Variants in DCX observed in about 807,000 individuals in gnomAD.
DCX encodes the protein neuronal migration protein doublecortin.
Under a neutral mutation model 20.9 loss-of-function variants are expected in DCX, and 4 were observed. The observed-to-expected ratio is 0.19, with a 90% CI of 0.09 to 0.44. The LOEUF (loss-of-function observed/expected upper bound fraction) is 0.44. DCX is among the 20% of genes least tolerant of loss of function. The probability of loss-of-function intolerance (pLI) is 0.99; values close to 1 mark genes in which losing one functional copy is unlikely to be tolerated. For missense variants in DCX, 133 were observed against 296.9 expected (o/e 0.45, Z 4.06); for synonymous variants, 103 against 111.4 (o/e 0.92, Z 0.47).
chrX:111,310,189 A>G (rs112679081), intron 6 of DCX, among the ~76,000 whole-genome samples: 186 of 111,272 alleles, frequency 1.7e-3, no homozygotes, highest in African/African-American at 5.7e-3. Flanking sequence ...AAAATTAGCC[A>G]GGCGTGGTGG....
At chrX:111,385,012 A>G (rs900691062) in intron 3 of DCX, among the ~76,000 whole-genome samples, 1 of 112,480 alleles carries the variant, frequency 8.9e-6, no homozygotes, top group Non-Finnish European at 1.9e-5. Context: ...CCTTGACCAA[A>G]GCTCTTTTCC....
At chrX:111,348,875 A>G (rs1303742043) in intron 3 of DCX, among the ~76,000 whole-genome samples, 6 of 107,114 alleles carry the variant, frequency 5.6e-5, no homozygotes, top group African/African-American at 1.4e-4. Flanking sequence ...TAAAAAAAAA[A>G]AAAGAAAAGA....
At chrX:111,332,204 C>T (rs1393550555) in intron 4 of DCX, among the ~76,000 whole-genome samples, 1 of 112,142 alleles carries the variant, frequency 8.9e-6, no homozygotes, top group African/African-American at 3.2e-5. Flanking sequence ...TGATCACTGT[C>T]CAGAGCTGAA....
At chrX:111,411,021 C>A (rs1361844718) in intron 1 of DCX, 1 of 1,083,743 alleles carries the variant, frequency 9.2e-7, no homozygotes, top group South Asian at 1.9e-5. Context: ...ATCCCCTCCC[C>A]CCAGAATAAA....
intron 5 of DCX, among the ~76,000 whole-genome samples, chrX:111,317,365 C>T (rs959076085): frequency 9.0e-6 from 1 of 111,323 alleles, no homozygotes; most frequent in Non-Finnish European, 1.9e-5. Context: ...GGATAACTGG[C>T]TAGCAATATG....
chrX:111,333,045 G>C lies in DCX; in HGVS notation c.808+6C>G. ...TGGAGCAATAAAACCCAGTGGTTAT[G>C]CTTACCATTTTCATCCAGAGAAAAA... On this transcript the variant is annotated splice_donor_region_variant and intron_variant, in intron 4 of 6. Coordinates refer to ENST00000636035, the MANE Select transcript of DCX (RefSeq NM_001195553.2). The C allele has an allele frequency of 8.4e-7, 1 of 1,185,231 alleles. No homozygotes were observed. The highest frequency in any genetic ancestry group is 1.1e-6 in the Non-Finnish European group (1 of 871,773).
chrX:111,389,444 T>C (rs1177941596), intron 3 of DCX, among the ~76,000 whole-genome samples: 2 of 111,586 alleles, frequency 1.8e-5, no homozygotes, highest in Admixed American at 1.9e-4. Flanking sequence ...TGAAGATTAC[T>C]CCCAAGCCTA....
chrX:111,408,666 GAAAGAA>G (rs1928438913), intron 2 of DCX, among the ~76,000 whole-genome samples: 4 of 107,973 alleles, frequency 3.7e-5, no homozygotes, highest in African/African-American at 1.4e-4. Context: ...AAGAAAGAAA[GAAAGAA>G]AGAAAGAAAG....
intron 3 of DCX, among the ~76,000 whole-genome samples, chrX:111,344,747 C>T (rs879167274): frequency 6.3e-5 from 7 of 111,656 alleles, no homozygotes; most frequent in Non-Finnish European, 9.4e-5. Flanking sequence ...AGAGAGGACA[C>T]AAACAAATGG....
intron 3 of DCX, among the ~76,000 whole-genome samples, chrX:111,385,799 A>G (rs756953382): frequency 2.4e-5 from 2 of 82,217 alleles, no homozygotes; most frequent in African/African-American, 1.2e-4. Context: ...GAAGGAAGGA[A>G]GGAAGGAAGG....
At chrX:111,306,065 T>C (rs1191674362) in intron 6 of DCX, among the ~76,000 whole-genome samples, 1 of 111,515 alleles carries the variant, frequency 9.0e-6, no homozygotes. Context: ...AAATGGTAGA[T>C]GTAATTCTCG....
intron 1 of DCX, chrX:111,411,064 G>A: frequency 1.2e-6 from 1 of 811,812 alleles, no homozygotes; most frequent in Non-Finnish European, 1.9e-6. Flanking sequence ...CAGCCTCCAG[G>A]GAACAGCCAG....
intron 3 of DCX, among the ~76,000 whole-genome samples, chrX:111,354,898 G>A (rs748099642): frequency 1.8e-5 from 2 of 112,482 alleles, no homozygotes; most frequent in South Asian, 3.7e-4. Context: ...TAGGATTCAC[G>A]CCAGAGGGAA....
At chrX:111,392,904 A>C (rs1025509610) in intron 3 of DCX, among the ~76,000 whole-genome samples, 1 of 111,559 alleles carries the variant, frequency 9.0e-6, no homozygotes, top group African/African-American at 3.3e-5. Context: ...GGAAGTTCAG[A>C]TAGGTCTGGG....
In DCX at chrX:111,398,982, C is replaced by T. The variant is rs935292961; in HGVS notation, c.705+2008G>A. ...CAAAAAAATTAGCCGGGTATTGCAG[C>T]GTGCGTCTGTAGTCCCAGCTACTTG... On this transcript the variant is annotated intron_variant, in intron 3 of 6. Coordinates refer to ENST00000636035, the MANE Select transcript of DCX (RefSeq NM_001195553.2). Among the ~76,000 whole-genome samples, 13 of 110,405 alleles carry T rather than the reference C, an allele frequency of 1.2e-4. No individual in the cohort carries two copies. The Admixed American group carries it at 1.3e-3, about 11-fold the overall frequency.
chrX:111,359,672 G>T (rs747589422), intron 3 of DCX, among the ~76,000 whole-genome samples: 1 of 111,850 alleles, frequency 8.9e-6, no homozygotes, highest in South Asian at 3.7e-4. Context: ...TTTTTAAAAA[G>T]AACAAACAGT....
At chrX:111,339,224 A>G (rs1268599257) in intron 3 of DCX, among the ~76,000 whole-genome samples, 1 of 111,555 alleles carries the variant, frequency 9.0e-6, no homozygotes, top group Non-Finnish European at 1.9e-5. Flanking sequence ...GGCTTTACAC[A>G]CTGCTATGGT....
At chrX:111,379,661 T>C (rs1925812434) in intron 3 of DCX, among the ~76,000 whole-genome samples, 1 of 111,950 alleles carries the variant, frequency 8.9e-6, no homozygotes, top group African/African-American at 3.2e-5. Flanking sequence ...TTATGAATAA[T>C]GCTGTTTTGA....
Position 111,352,837 on chromosome X carries a change from C to CAGAGAGAGAGAG in DCX, c.706-19696_706-19685dup, listed in dbSNP as rs768081351. Among the ~76,000 whole-genome samples the CAGAGAGAGAGAG allele has an allele frequency of 3.2e-4, 29 of 90,145 alleles. 1 individual carries two copies. Among genetic ancestry groups the CAGAGAGAGAGAG allele is most frequent in the African/African-American group, 1.1e-3 (27 of 23,768 alleles). 78.3% of individuals were successfully genotyped at this position (90,145 alleles called of 115,157 possible). A position where few individuals can be genotyped will look rare whatever the true frequency, so the allele number is the denominator to read the frequency against. On this transcript the variant is annotated intron_variant, in intron 3 of 6. Coordinates refer to ENST00000636035, the MANE Select transcript of DCX (RefSeq NM_001195553.2). ...GTGAAAGCTGAGGCAGACAGACAGA[C>CAGAGAGAGAGAG]AGAGAGAGAGAGAGAGAGAGAGAGA... is the stretch of plus-strand genomic sequence containing the variant.
Sources: gnomAD v4.1 joint callset for allele counts (sites outside exome capture counted in the v4.1 genomes callset) on GRCh38, gnomAD v4.1.1 for gene constraint, MANE v1.5 for transcripts, NCBI Gene and HGNC (gene_info 2026-07-23, HGNC 2026-07-21) for gene names.